SHC1: variants seen among roughly 807,000 people sequenced by gnomAD.
SHC1 encodes the protein SHC-transforming protein 1.
SHC1 carries 30 observed loss-of-function variants against 55.9 expected under a neutral mutation model. That is an observed-to-expected ratio of 0.54 (90% CI 0.40 to 0.73). The LOEUF (loss-of-function observed/expected upper bound fraction) is 0.73, where lower values mean the gene tolerates loss of function less well. SHC1 is among the 30% of genes least tolerant of loss of function. SHC1 has a pLI of 0.00. For synonymous variants in SHC1, 309 were observed against 306.1 expected, an observed-to-expected ratio of 1.01 and a Z score of -0.10; for missense variants, 675 against 777.1, an observed-to-expected ratio of 0.87 and a Z score of 1.56.
At chr1:154,965,878 T>C in intron 10 of SHC1, 68 bp downstream of exon 10, 4 of 1,577,904 alleles carry the variant, frequency 2.5e-6, no homozygotes, top group Non-Finnish European at 3.5e-6. Flanking sequence ...AAAGAGCAGA[T>C]AGGCAGGAGA....
chr1:154,972,623 G>C (rs1368587847), upstream of SHC1, among the ~76,000 whole-genome samples: 12 of 152,204 alleles, frequency 7.9e-5, no homozygotes, highest in Non-Finnish European at 1.5e-4. Context: ...GGACCAACGG[G>C]TGTGGGCGTT....
At chr1:154,974,318 G>C (rs1187366288), upstream of SHC1, 1 of 278,434 alleles carries the variant, frequency 3.6e-6, no homozygotes, top group Non-Finnish European at 7.0e-6. Flanking sequence ...TGCCAGCTTA[G>C]GTTACCGCTC....
At chr1:154,968,871 T>C (rs1571444957) in intron 2 of SHC1, 37 bp from the exon 3 acceptor site, 1 of 1,592,248 alleles carries the variant, frequency 6.3e-7, no homozygotes, top group Non-Finnish European at 8.6e-7. Flanking sequence ...AGCGCCTGCC[T>C]GCCTGCCTCC....
rs376945597 is a variant in SHC1 at position 154,966,020 on chromosome 1, C to G, written c.1313G>C (p.Arg438Pro). ...YVNVQNLDKA[R>P]QAVGGAGPPN... is the part of the protein sequence containing the mutation. ...GGGCCCAGCACCACCCACTGCTTGC[C>G]GGGCCTTGTCTAGGTTCTGGACGTT... is the stretch of plus-strand genomic sequence containing the variant. Residue 438 changes from arginine (R) to proline (P), a missense_variant, in exon 10 of 12, where the codon CGG becomes CCG. Arg to Pro is a moderately radical substitution (Grantham distance 103, BLOSUM62 -2). This residue lies in a region of SHC1 where 360 missense variants were observed against 371.1 expected (regional missense o/e 0.97). Coordinates refer to ENST00000448116, the MANE Select transcript of SHC1 (RefSeq NM_001130040.2). 6.8e-6 allele frequency: 11 copies of G among 1,613,948 alleles called. No homozygotes were observed. Among genetic ancestry groups the G allele is most frequent in the African/African-American group, 6.7e-5 (5 of 74,886 alleles).
Position 154,965,414 on chromosome 1 carries a change from C to G in SHC1, c.1626+129G>C, listed in dbSNP as rs1343706948. On this transcript the variant is annotated intron_variant, in intron 11 of 11. Coordinates refer to ENST00000448116, the MANE Select transcript of SHC1 (RefSeq NM_001130040.2). ...GGAAGATGCCAGACACTTTAAAGAG[C>G]AAGAGAGGCCCATAGACAGCTGCCC... The G allele has an allele frequency of 3.1e-6, 5 of 1,611,282 alleles. No homozygotes were observed. In the African/African-American group the frequency reaches 6.7e-5, roughly 22 times the overall value.
In SHC1 at chr1:154,964,024, C is replaced by CTTCA. The variant is rs1414541968; in HGVS notation, c.1627-94_1627-93insTGAA. 1.4e-4 allele frequency: 199 copies of CTTCA among 1,392,688 alleles called. 2 individuals carry two copies. The highest frequency in any genetic ancestry group is 1.3e-5 in the Non-Finnish European group (13 of 981,026). The allele number at this position is 1,392,688 out of a possible 1,614,324, so 86.3% of individuals were successfully genotyped here. A position where few individuals can be genotyped will look rare whatever the true frequency, so the allele number is the denominator to read the frequency against. On this transcript the variant is annotated intron_variant, in intron 11 of 11. Coordinates refer to ENST00000448116, the MANE Select transcript of SHC1 (RefSeq NM_001130040.2). Reference sequence around the variant, plus strand: ...GGAAGAGGGTGAAACAGACAAGAGGCTTGAAGGAGGAGAAAAAAATGGTGG... The same window carrying CTTCA: ...GGAAGAGGGTGAAACAGACAAGAGGCTTCATTGAAGGAGGAGAAAAAAATGGTGG...
rs199885604 is a variant in SHC1, at chr1:154,968,203, C to A, written c.804+1G>T. 6.2e-7 allele frequency: 1 copy of A among 1,614,096 alleles called. No homozygotes were observed. Among genetic ancestry groups the A allele is most frequent in the Non-Finnish European group, 8.5e-7 (1 of 1,179,960 alleles). ...CGCCTTTGCTCTGTTCCCCAACTCA[C>A]CGGATCCCCGCCGGATGCAAATGAG... On this transcript the variant is annotated splice_donor_variant, in intron 5 of 11. Transcript: ENST00000448116. LOFTEE classifies it high-confidence loss of function.
At chr1:154,971,732 A>G (rs948163512), upstream of SHC1, among the ~76,000 whole-genome samples, 2 of 152,174 alleles carry the variant, frequency 1.3e-5, no homozygotes, top group Non-Finnish European at 2.9e-5. Context: ...AGAAGTAGAA[A>G]CTACAGGCCA....
chr1:154,963,678 C>T lies in SHC1; in HGVS notation c.*125G>A, dbSNP rs1447545654. On this transcript the variant is annotated 3_prime_UTR_variant, in exon 12 of 12. Coordinates refer to ENST00000448116, the MANE Select transcript of SHC1 (RefSeq NM_001130040.2). ...CTCAGCTGGATATGAAACCCAGAGT[C>T]CATGCTACTCCCAGCTCTGACACAA... The T allele has an allele frequency of 1.0e-6, 1 of 956,250 alleles. No homozygotes were observed. Among genetic ancestry groups the T allele is most frequent in the Admixed American group, 2.4e-5 (1 of 41,426 alleles). 59.2% of individuals were successfully genotyped at this position (956,250 alleles called of 1,614,324 possible). A position where few individuals can be genotyped will look rare whatever the true frequency, so the allele number is the denominator to read the frequency against.
At position 154,969,366 on chromosome 1, in the gene SHC1, C is replaced by T; in HGVS notation, c.566+12G>A. ...TCCCAGGACTCCCACAATCCACTCC[C>T]TCCCCACTAACCTGGTGACCTGAGT... On this transcript the variant is annotated intron_variant, in intron 2 of 11. Coordinates refer to ENST00000448116, the MANE Select transcript of SHC1 (RefSeq NM_001130040.2). The T allele has an allele frequency of 6.3e-7, 1 of 1,597,122 alleles. No homozygotes were observed. Among genetic ancestry groups the T allele is most frequent in the Non-Finnish European group, 8.6e-7 (1 of 1,167,290 alleles).
intron 11 of SHC1, among the ~76,000 whole-genome samples, chr1:154,964,841 G>A (rs1186507118): frequency 6.6e-6 from 1 of 152,208 alleles, no homozygotes; most frequent in African/African-American, 2.4e-5. Flanking sequence ...CTGAGTCTGG[G>A]GAGCTGGAGA....
At chr1:154,966,578 A>AC in intron 7 of SHC1, 61 bp from the exon 8 acceptor site, 1 of 1,111,876 alleles carries the variant, frequency 9.0e-7, no homozygotes. Flanking sequence ...GGAGGGAAGG[A>AC]CAGAATAGAA....
Position 154,966,369 on chromosome 1 carries a change from G to A in SHC1, c.1132C>T (p.Arg378Ter), listed in dbSNP as rs751741647. The change falls in exon 8 of 12, where the codon CGA (arginine) becomes TGA (stop). Residue 378 changes from arginine to a stop codon, truncating the protein, a stop_gained. Coordinates refer to ENST00000448116, the MANE Select transcript of SHC1 (RefSeq NM_001130040.2). LOFTEE classifies it high-confidence loss of function. ...GTCTGGGCATTGGGTGCAGTGGGTC[G>A]AGCAGCCCCTGGAGCGGCTCCTTCC... ...LREGAAPGAA[R>*]PTAPNAQTPS... The A allele has an allele frequency of 1.9e-6, 3 of 1,614,076 alleles. No individual in the cohort carries two copies. Among genetic ancestry groups the A allele is most frequent in the Non-Finnish European group, 2.5e-6 (3 of 1,179,992 alleles).
rs368036059 is a variant in SHC1 at position 154,966,271 on chromosome 1, C to G, written c.1183-40G>C. ...ATAAGGTGAGACCAGAAGCCCTAAC[C>G]AACCACTCCCACCCTAGCCCCAGCC... On this transcript the variant is annotated intron_variant, in intron 8 of 11. Coordinates refer to ENST00000448116, the MANE Select transcript of SHC1 (RefSeq NM_001130040.2). 46 of 1,611,804 alleles carry G rather than the reference C, an allele frequency of 2.9e-5. No homozygotes were observed. In the African/African-American group the frequency reaches 5.3e-4, roughly 19 times the overall value.
At chr1:154,964,414 C>T (rs1368775207) in intron 11 of SHC1, 4 of 379,210 alleles carry the variant, frequency 1.1e-5, no homozygotes, top group South Asian at 2.0e-5. Context: ...GCCACCACAC[C>T]GCAGCCTGAG....
chr1:154,963,750 A>G lies in SHC1; in HGVS notation c.*53T>C. 1 of 1,600,464 alleles carries G rather than the reference A, an allele frequency of 6.2e-7. No homozygotes were observed. Among genetic ancestry groups the G allele is most frequent in the Non-Finnish European group, 8.5e-7 (1 of 1,170,500 alleles). On this transcript the variant is annotated 3_prime_UTR_variant, in exon 12 of 12. Coordinates refer to ENST00000448116, the MANE Select transcript of SHC1 (RefSeq NM_001130040.2). ...CCAAACGAGGTCCCGAGAGTTAGGG[A>G]ATAGGGTGGAAAGGATTGGAGGGCA...
chr1:154,972,518 C>G (rs1039545929), upstream of SHC1, among the ~76,000 whole-genome samples: 1 of 152,126 alleles, frequency 6.6e-6, no homozygotes, highest in African/African-American at 2.4e-5. Flanking sequence ...TCCACCATAG[C>G]CTCACACCCC....
upstream of SHC1, among the ~76,000 whole-genome samples, chr1:154,973,842 CG>C (rs781137400): frequency 6.6e-6 from 1 of 152,088 alleles, no homozygotes; most frequent in South Asian, 2.1e-4. Context: ...ACGGAGGGGG[CG>C]TGGCTTCGGA....
At position 154,970,229 on chromosome 1, in the gene SHC1, G is replaced by A. The variant is rs866437249; in HGVS notation, c.298C>T (p.Pro100Ser). Residue 100 changes from proline (P) to serine (S), a missense_variant, in exon 1 of 12, where the codon CCA becomes TCA. Physicochemically the swap from Pro to Ser is moderately conservative, Grantham distance 74. Coordinates refer to ENST00000448116, the MANE Select transcript of SHC1 (RefSeq NM_001130040.2). The surrounding 1 kb of genome is among the most constrained non-coding windows in gnomAD (Gnocchi z 5.5). ...AGGAGGGGTAGGGGGCCTGAGTCTG[G>A]CATGGCTGCCCCTACGATCCCCTCC... ...DGEGIVGAAM[P>S]DSGPLPLLQD... The A allele has an allele frequency of 1.2e-6, 2 of 1,613,378 alleles. No homozygotes were observed. Among genetic ancestry groups the A allele is most frequent in the Admixed American group, 1.7e-5 (1 of 59,980 alleles).
Sources: gnomAD v4.1 joint callset for allele counts (sites outside exome capture counted in the v4.1 genomes callset) on GRCh38, gnomAD v4.1.1 for gene constraint, gnomAD v4.1.1 regional missense constraint, Gnocchi (gnomAD v3.1) non-coding constraint, MANE v1.5 for transcripts, NCBI Gene and HGNC (gene_info 2026-07-23, HGNC 2026-07-21) for gene names.